LSAMP: variants seen among roughly 807,000 people sequenced by gnomAD.
LSAMP encodes the protein limbic system associated membrane protein, also known as limbic system-associated membrane protein.
LSAMP carries 7 observed loss-of-function variants against 38.6 expected under a neutral mutation model. The observed-to-expected ratio is 0.18, with a 90% CI of 0.10 to 0.34. LSAMP has a LOEUF of 0.34. Among genes scored for constraint, LSAMP ranks in the 10% least tolerant of loss-of-function variants. LSAMP has a pLI of 1.00. For missense variants in LSAMP, 313 were observed against 420.0 expected (o/e 0.75, Z 2.23); for synonymous variants, 154 against 166.8 (o/e 0.92, Z 0.59).
chr3:116,120,301 A>G (rs1023309531), intron 1 of LSAMP, among the ~76,000 whole-genome samples: 3 of 152,192 alleles, frequency 2.0e-5, no homozygotes, highest in Non-Finnish European at 4.4e-5. Context: ...CGTAAGACAT[A>G]AAACTGTGGC....
intron 1 of LSAMP, among the ~76,000 whole-genome samples, chr3:116,166,985 G>A (rs925322342): frequency 1.3e-5 from 2 of 151,860 alleles, no homozygotes; most frequent in African/African-American, 4.8e-5. Context: ...TAGAGACGGG[G>A]TTTCACCGTG....
chr3:115,879,159 A>G (rs956386507), intron 3 of LSAMP, among the ~76,000 whole-genome samples: 1 of 152,182 alleles, frequency 6.6e-6, no homozygotes. Context: ...ATGATCCAAG[A>G]AGTACAAATC....
chr3:116,219,220 T>C (rs1432075053), intron 1 of LSAMP, among the ~76,000 whole-genome samples: 1 of 152,214 alleles, frequency 6.6e-6, no homozygotes, highest in Admixed American at 6.5e-5. Flanking sequence ...TCTCTGTGAC[T>C]GCCTTATTTC....
chr3:116,136,196 A>G (rs1006625907), intron 1 of LSAMP, among the ~76,000 whole-genome samples: 1 of 152,150 alleles, frequency 6.6e-6, no homozygotes, highest in African/African-American at 2.4e-5. Flanking sequence ...ATCATGTAGC[A>G]TTGGCAAGGG....
In LSAMP at chr3:116,005,240, C is replaced by A. The variant is rs74349111; in HGVS notation, c.514+14275G>T. 2.3e-3 allele frequency among the ~76,000 whole-genome samples: 344 copies of A among 152,232 alleles called. 1 individual carries two copies. Among genetic ancestry groups the A allele is most frequent in the African/African-American group, 7.9e-3 (327 of 41,554 alleles). ...CATGGATATTGAGAATCTCTTCAAACCCAGAAAGGTACCACCTCAGGCAAC... is the reference window on the plus strand; with the variant it reads ...CATGGATATTGAGAATCTCTTCAAAACCAGAAAGGTACCACCTCAGGCAAC... On this transcript the variant is annotated intron_variant, in intron 3 of 6. Transcript: ENST00000490035.
chr3:116,167,775 T>C (rs976851581), intron 1 of LSAMP, among the ~76,000 whole-genome samples: 36 of 152,314 alleles, frequency 2.4e-4, no homozygotes, highest in African/African-American at 8.4e-4. Context: ...TACAACATAC[T>C]ATGTATAATA....
At chr3:116,130,663 AT>A (rs1451200339) in intron 1 of LSAMP, among the ~76,000 whole-genome samples, 2 of 152,156 alleles carry the variant, frequency 1.3e-5, no homozygotes, top group East Asian at 3.9e-4. Context: ...TTACTTTTTA[AT>A]TCTCACTCTC....
chr3:116,297,912 C>A (rs1196875236), intron 1 of LSAMP, among the ~76,000 whole-genome samples: 2 of 152,118 alleles, frequency 1.3e-5, no homozygotes, highest in South Asian at 4.1e-4. Flanking sequence ...ACCCTGTTGA[C>A]CAACACCCTT....
chr3:115,932,783 ATATTATTCAAT>A (rs1224990699), intron 3 of LSAMP, among the ~76,000 whole-genome samples: 1 of 152,232 alleles, frequency 6.6e-6, no homozygotes, highest in Non-Finnish European at 1.5e-5. Context: ...TAGTGGAGAA[ATATTATTCAAT>A]TATTATTCAA....
intron 2 of LSAMP, among the ~76,000 whole-genome samples, chr3:116,025,227 A>G (rs1559924984): frequency 1.3e-5 from 2 of 152,136 alleles, no homozygotes. Context: ...ATTTTCCTAT[A>G]TATAATGCCA....
chr3:115,859,882 A>G (rs1293798731), intron 3 of LSAMP, among the ~76,000 whole-genome samples: 3 of 152,162 alleles, frequency 2.0e-5, no homozygotes, highest in African/African-American at 7.2e-5. Context: ...TATTGTATTT[A>G]TACTAAACCA....
chr3:116,185,117 C>T (rs909302328), intron 1 of LSAMP, among the ~76,000 whole-genome samples: 3 of 146,726 alleles, frequency 2.0e-5, no homozygotes, highest in South Asian at 4.3e-4. Flanking sequence ...TTCATTTTTC[C>T]CTTCTCCCTC....
chr3:115,993,550 T>C (rs1489408074), intron 3 of LSAMP, among the ~76,000 whole-genome samples: 1 of 152,124 alleles, frequency 6.6e-6, no homozygotes, highest in Non-Finnish European at 1.5e-5. Flanking sequence ...CTCAGTTTTC[T>C]AAGTCATGAC....
In LSAMP at chr3:116,067,705, CTGT is replaced by C. The variant is rs34079426; in HGVS notation, c.388+18616_388+18618del. Among the ~76,000 whole-genome samples, 1,372 of 152,262 alleles carry C rather than the reference CTGT, an allele frequency of 9.0e-3. 25 individuals carry two copies. Among genetic ancestry groups the C allele is most frequent in the African/African-American group, 0.03 (1,238 of 41,542 alleles). ...TATTTTAAGGTGATGTAATAAGCTCCTGTAAAACTTGATATGACTGTCTGATAC... is the reference window on the plus strand; with the variant it reads ...TATTTTAAGGTGATGTAATAAGCTCCAAAACTTGATATGACTGTCTGATAC... On this transcript the variant is annotated intron_variant, in intron 2 of 6. Coordinates refer to ENST00000490035, the MANE Select transcript of LSAMP (RefSeq NM_002338.5).
intron 3 of LSAMP, among the ~76,000 whole-genome samples, chr3:116,011,645 C>T (rs776834975): frequency 5.3e-5 from 8 of 151,934 alleles, no homozygotes; most frequent in Admixed American, 1.3e-4. Flanking sequence ...TGATGAAAGG[C>T]AGGTGAGAGG....
rs373053737 is a variant in LSAMP, at chr3:116,014,977, G to T, written c.514+4538C>A. Among the ~76,000 whole-genome samples, 51 of 152,258 alleles carry T rather than the reference G, an allele frequency of 3.3e-4. No individual in the cohort carries two copies. The South Asian group carries it at 7.5e-3, about 22-fold the overall frequency. On this transcript the variant is annotated intron_variant, in intron 3 of 6. Coordinates refer to ENST00000490035, the MANE Select transcript of LSAMP (RefSeq NM_002338.5). ...CAGTGAAGGGTTCAGACTTGGAAAT[G>T]AATTGAAAGTGGAATCTCAGATCAA...
chr3:116,040,247 G>A (rs1941139792), intron 2 of LSAMP, among the ~76,000 whole-genome samples: 1 of 152,188 alleles, frequency 6.6e-6, no homozygotes, highest in Non-Finnish European at 1.5e-5. Flanking sequence ...CAATGCGTAT[G>A]TTCCCACTGC....
chr3:116,377,610 T>A lies in LSAMP; in HGVS notation c.155+67267A>T, dbSNP rs190323272. Among the ~76,000 whole-genome samples the A allele has an allele frequency of 2.0e-5, 3 of 152,208 alleles. No homozygotes were observed. In the South Asian group the frequency reaches 6.2e-4, roughly 32 times the overall value. On this transcript the variant is annotated intron_variant, in intron 1 of 6. Coordinates refer to ENST00000490035, the MANE Select transcript of LSAMP (RefSeq NM_002338.5). ...GATAGATACCTAGTAATTGGATTGCTGGGTTAAATGGTATTTGTTGTTCTA... is the reference window on the plus strand; with the variant it reads ...GATAGATACCTAGTAATTGGATTGCAGGGTTAAATGGTATTTGTTGTTCTA...
intron 3 of LSAMP, among the ~76,000 whole-genome samples, chr3:115,991,118 T>C (rs1431492592): frequency 2.0e-5 from 3 of 152,052 alleles, no homozygotes; most frequent in Non-Finnish European, 4.4e-5. Context: ...ATTTTGTAAA[T>C]GAATGTTTGA....
Sources: gnomAD v4.1 joint callset for allele counts (sites outside exome capture counted in the v4.1 genomes callset) on GRCh38, gnomAD v4.1.1 for gene constraint, MANE v1.5 for transcripts, NCBI Gene and HGNC (gene_info 2026-07-23, HGNC 2026-07-21) for gene names.